Variants in CNTN3 observed in about 807,000 individuals in gnomAD.
CNTN3 encodes contactin 3, also known as contactin-3.
Under a neutral mutation model 119.1 loss-of-function variants are expected in CNTN3, and 60 were observed. The ratio of observed to expected loss-of-function variants is 0.50; its 90% CI spans 0.41 to 0.62. CNTN3 has a LOEUF of 0.62. CNTN3 is among the 20% of genes least tolerant of loss of function. The probability of loss-of-function intolerance (pLI) is 0.00; values close to 1 mark genes in which losing one functional copy is unlikely to be tolerated. For missense variants in CNTN3, 1,101 were observed against 1,242.4 expected (o/e 0.89, Z 1.71); for synonymous variants, 450 against 438.7 (o/e 1.03, Z -0.32).
chr3:74,549,026 A>C (rs1703951978), intron 1 of CNTN3, among the ~76,000 whole-genome samples: 1 of 152,212 alleles, frequency 6.6e-6, no homozygotes, highest in Non-Finnish European at 1.5e-5. Flanking sequence ...TATGAACAAC[A>C]TCATGTTAAT....
At chr3:74,418,881 AG>A (rs1319196794) in intron 5 of CNTN3, among the ~76,000 whole-genome samples, 1 of 151,574 alleles carries the variant, frequency 6.6e-6, no homozygotes, top group East Asian at 2.0e-4. Flanking sequence ...CTCTGCCTCC[AG>A]GGTTGAAGCA....
chr3:74,546,997 C>T lies in CNTN3; in HGVS notation c.-80-25805G>A, dbSNP rs374494031. On this transcript the variant is annotated intron_variant, in intron 1 of 22. Transcript: ENST00000263665. ...TTTATTTTATGACTTATGTTCTCCA[C>T]TTCACTCATGCTTCTGTCTATACAC... is the stretch of plus-strand genomic sequence containing the variant. Among the ~76,000 whole-genome samples, 195 of 152,300 alleles carry T rather than the reference C, an allele frequency of 1.3e-3. 1 individual carries two copies. The highest frequency in any genetic ancestry group is 4.5e-3 in the African/African-American group (186 of 41,568).
chr3:74,534,022 A>G (rs1024681660), intron 1 of CNTN3, among the ~76,000 whole-genome samples: 1 of 152,064 alleles, frequency 6.6e-6, no homozygotes, highest in African/African-American at 2.4e-5. Flanking sequence ...CCAACTTCAG[A>G]GCAGCTTAGC....
chr3:74,368,898 G>A (rs974263197), intron 8 of CNTN3, among the ~76,000 whole-genome samples: 25 of 151,794 alleles, frequency 1.6e-4, no homozygotes, highest in Admixed American at 3.9e-4. Flanking sequence ...TCTCTCTAAT[G>A]TGTTTAAGTG....
At chr3:74,604,023 G>A (rs779779275) in intron 1 of CNTN3, among the ~76,000 whole-genome samples, 22 of 152,102 alleles carry the variant, frequency 1.4e-4, no homozygotes, top group Non-Finnish European at 1.8e-4. Flanking sequence ...TGCAGTTACA[G>A]TCAACTGATT....
chr3:74,318,130 C>T (rs1238353132), intron 13 of CNTN3, among the ~76,000 whole-genome samples: 1 of 152,210 alleles, frequency 6.6e-6, no homozygotes, highest in Non-Finnish European at 1.5e-5. Context: ...TTGATCGCAT[C>T]AGCTCCTGAG....
chr3:74,525,647 A>G (rs1469192395), intron 1 of CNTN3, among the ~76,000 whole-genome samples: 14 of 151,960 alleles, frequency 9.2e-5, no homozygotes, highest in Non-Finnish European at 1.5e-5. Flanking sequence ...TTCCGTGCTA[A>G]TAGACATTTG....
At chr3:74,453,516 T>C (rs1271826622) in intron 4 of CNTN3, among the ~76,000 whole-genome samples, 2 of 152,172 alleles carry the variant, frequency 1.3e-5, no homozygotes, top group Admixed American at 1.3e-4. Context: ...TCTATTTCCT[T>C]CAGTTCTGCT....
At chr3:74,468,839 G>T (rs1702510148) in intron 4 of CNTN3, among the ~76,000 whole-genome samples, 1 of 152,090 alleles carries the variant, frequency 6.6e-6, no homozygotes, top group Admixed American at 6.5e-5. Flanking sequence ...TGACAGATTT[G>T]GGAGGGGTTT....
chr3:74,489,935 G>C (rs1243500183), intron 3 of CNTN3, among the ~76,000 whole-genome samples: 1 of 152,124 alleles, frequency 6.6e-6, no homozygotes, highest in African/African-American at 2.4e-5. Context: ...GTTAGTATGG[G>C]AGGAGGTCCC....
intron 1 of CNTN3, among the ~76,000 whole-genome samples, chr3:74,582,061 C>T (rs111498463): frequency 2.4e-4 from 36 of 152,126 alleles, no homozygotes; most frequent in African/African-American, 8.4e-4. Context: ...AATCTCAAAA[C>T]TTAAAAAAGG....
intron 4 of CNTN3, among the ~76,000 whole-genome samples, chr3:74,431,160 T>C (rs2106909858): frequency 6.6e-6 from 1 of 152,316 alleles, no homozygotes; most frequent in South Asian, 2.1e-4. Context: ...TTCTATTGCC[T>C]ATCCAAGCTC....
At position 74,266,537 on chromosome 3, in the gene CNTN3, G is replaced by A; in HGVS notation, c.2930C>T (p.Thr977Ile). 1 of 1,613,606 alleles carries A rather than the reference G, an allele frequency of 6.2e-7. No individual in the cohort carries two copies. Among genetic ancestry groups the A allele is most frequent in the Non-Finnish European group, 8.5e-7 (1 of 1,179,620 alleles). Residue 977 changes from threonine to isoleucine, a missense_variant, in exon 22 of 23, where the codon ACA becomes ATA. Coordinates refer to ENST00000263665, the MANE Select transcript of CNTN3 (RefSeq NM_020872.3). ...KEDYIIEVKA[T>I]TDGGDGTSSE... is the part of the protein sequence containing the mutation. ...ACTGGTCCCATCCCCTCCATCTGTT[G>A]TGGCCTTGACTTCAATAATGTAGTC...
intron 5 of CNTN3, among the ~76,000 whole-genome samples, chr3:74,400,653 A>AT (rs2106848451): frequency 6.6e-6 from 1 of 152,088 alleles, no homozygotes; most frequent in Non-Finnish European, 1.5e-5. Flanking sequence ...CTAGTTGTTT[A>AT]TTTTTTAAAA....
intron 5 of CNTN3, among the ~76,000 whole-genome samples, chr3:74,387,732 C>T (rs1704787083): frequency 6.6e-6 from 1 of 152,188 alleles, no homozygotes; most frequent in African/African-American, 2.4e-5. Context: ...CCCTATGGGG[C>T]TAGAGAGAAC....
chr3:74,560,885 G>A (rs1337504279), intron 1 of CNTN3, among the ~76,000 whole-genome samples: 3 of 151,904 alleles, frequency 2.0e-5, no homozygotes, highest in Admixed American at 6.6e-5. Context: ...GGACATGGAT[G>A]AAGCTGGAAA....
intron 1 of CNTN3, among the ~76,000 whole-genome samples, chr3:74,602,633 T>C (rs1453182181): frequency 6.6e-6 from 1 of 152,082 alleles, no homozygotes; most frequent in Non-Finnish European, 1.5e-5. Flanking sequence ...GCATAGTTCT[T>C]GTTAAGGGTG....
At chr3:74,306,464 G>A (rs1559693854) in intron 13 of CNTN3, among the ~76,000 whole-genome samples, 2 of 152,040 alleles carry the variant, frequency 1.3e-5, no homozygotes, top group Non-Finnish European at 2.9e-5. Context: ...GTTTGTCTTT[G>A]TTTGCATTAT....
chr3:74,379,241 T>C (rs879503834), intron 5 of CNTN3, among the ~76,000 whole-genome samples: 2 of 152,120 alleles, frequency 1.3e-5, no homozygotes, highest in Non-Finnish European at 1.5e-5. Flanking sequence ...CTACAGCCTC[T>C]GCCTCGTGGG....
Sources: gnomAD v4.1 joint callset for allele counts (sites outside exome capture counted in the v4.1 genomes callset) on GRCh38, gnomAD v4.1.1 for gene constraint, MANE v1.5 for transcripts, NCBI Gene and HGNC (gene_info 2026-07-23, HGNC 2026-07-21) for gene names.